Variants in STXBP4 observed in about 807,000 individuals in gnomAD.
The protein encoded by STXBP4 is syntaxin-binding protein 4.
A neutral mutation model predicts 76.1 loss-of-function variants in STXBP4; 55 were observed. The ratio of observed to expected loss-of-function variants is 0.72; its 90% CI spans 0.58 to 0.91. The LOEUF is 0.91. Among genes scored for constraint, STXBP4 ranks in the 40% least tolerant of loss-of-function variants. The pLI is 0.00. For synonymous variants in STXBP4, 201 were observed against 220.2 expected (o/e 0.91, Z 0.77); for missense variants, 618 against 636.9 (o/e 0.97, Z 0.32).
At chr17:55,037,411 G>C (rs546103397) in intron 10 of STXBP4, among the ~76,000 whole-genome samples, 2 of 152,114 alleles carry the variant, frequency 1.3e-5, no homozygotes, top group South Asian at 4.1e-4. Flanking sequence ...TCATGCTCCA[G>C]GTTAGCAATT....
chr17:55,206,442 C>CCTAATCCTAGTTT, the STXBP4 span, among the ~76,000 whole-genome samples: 1 of 152,162 alleles, frequency 6.6e-6, no homozygotes, highest in Non-Finnish European at 1.5e-5. Context: ...CCAGCACAGG[C>CCTAATCCTAGTTT]CTAATCCTAG....
chr17:55,080,412 G>A (rs2079241273), intron 15 of STXBP4, among the ~76,000 whole-genome samples: 1 of 151,948 alleles, frequency 6.6e-6, no homozygotes, highest in African/African-American at 2.4e-5. Context: ...GGAAGATGGA[G>A]TATAAATAAT....
the STXBP4 span, among the ~76,000 whole-genome samples, chr17:55,188,979 C>T: frequency 1.3e-5 from 2 of 152,084 alleles, no homozygotes; most frequent in African/African-American, 4.8e-5. Flanking sequence ...CCTGTTCATT[C>T]TCCTCATCTA....
At chr17:55,078,923 C>T (rs1033830100) in intron 15 of STXBP4, among the ~76,000 whole-genome samples, 188 bp downstream of exon 15, 1 of 152,096 alleles carries the variant, frequency 6.6e-6, no homozygotes, top group Non-Finnish European at 1.5e-5. Context: ...TAAAGAAATT[C>T]CTGGAGGTAT....
chr17:55,182,410 A>G, the STXBP4 span, among the ~76,000 whole-genome samples: 1 of 152,186 alleles, frequency 6.6e-6, no homozygotes, highest in African/African-American at 2.4e-5. Flanking sequence ...GCAAGAAGGA[A>G]CAAAAGAATA....
intron 12 of STXBP4, among the ~76,000 whole-genome samples, chr17:55,070,498 T>C (rs2048954980): frequency 1.3e-5 from 2 of 152,304 alleles, no homozygotes; most frequent in African/African-American, 4.8e-5. Context: ...CAATTACTTT[T>C]AGATACAAGG....
rs8069999 is a variant in STXBP4, at chr17:55,081,131, G to T, written c.1437G>T (p.Ala479=). ...GACGTAGCATCCCAGCAACGCTGGC[G>T]CTTGAATCTAAGGAACTTGTTAAAT... The part of the protein sequence containing the change: ...RNGRSIPATL[A]LESKELVKSV... The change falls in exon 16 of 18, where the codon GCG becomes GCT. Residue 479 remains alanine (A), a synonymous_variant. Coordinates refer to ENST00000376352, the MANE Select transcript of STXBP4 (RefSeq NM_178509.6). 3.4e-5 allele frequency: 53 copies of T among 1,550,120 alleles called. No individual in the cohort carries two copies. The highest frequency in any genetic ancestry group is 4.3e-5 in the Non-Finnish European group (50 of 1,152,704).
At chr17:55,019,924 A>G (rs1338985862) in intron 8 of STXBP4, among the ~76,000 whole-genome samples, 3 of 152,088 alleles carry the variant, frequency 2.0e-5, no homozygotes, top group Admixed American at 6.6e-5. Flanking sequence ...TCTTTTCACT[A>G]TGACTGCTTT....
the STXBP4 span, among the ~76,000 whole-genome samples, chr17:55,185,251 C>CTTCTTCTT: frequency 1.0e-3 from 51 of 49,348 alleles, 1 homozygote; most frequent in African/African-American, 3.2e-3. Flanking sequence ...TTCTTCTTCT[C>CTTCTTCTT]CTTCTCCTTC....
chr17:54,975,594 A>T (rs1301496211), intron 1 of STXBP4, among the ~76,000 whole-genome samples: 1 of 152,188 alleles, frequency 6.6e-6, no homozygotes, highest in African/African-American at 2.4e-5. Context: ...TTTACTTTTA[A>T]CCTTTAGAAG....
chr17:55,040,597 A>C (rs896798748), intron 10 of STXBP4, among the ~76,000 whole-genome samples: 6 of 152,206 alleles, frequency 3.9e-5, no homozygotes, highest in Admixed American at 6.5e-5. Flanking sequence ...TTGGAGCAGC[A>C]ACAGTGAAGG....
chr17:55,150,355 C>T (rs1436632480), intron 17 of STXBP4, among the ~76,000 whole-genome samples: 2 of 152,140 alleles, frequency 1.3e-5, no homozygotes, highest in Non-Finnish European at 2.9e-5. Flanking sequence ...TCTTTGTACA[C>T]AGAGAGAGAG....
At position 54,968,778 on chromosome 17, in the gene STXBP4, T is replaced by G; in HGVS notation, c.-194T>G. 1.8e-6 allele frequency: 2 copies of G among 1,083,534 alleles called. No individual in the cohort carries two copies. Among genetic ancestry groups the G allele is most frequent in the Non-Finnish European group, 2.6e-6 (2 of 757,116 alleles). The allele number at this position is 1,083,534 out of a possible 1,614,324, so 67.1% of individuals were successfully genotyped here. On this transcript the variant is annotated 5_prime_UTR_variant, in exon 1 of 18. Coordinates refer to ENST00000376352, the MANE Select transcript of STXBP4 (RefSeq NM_178509.6). ...ACCAGGCTCCTCAGGTGGCAGCGCT[T>G]GCAGTCGGGCTACGGAGGCCGGGTT...
chr17:54,980,914 TA>T (rs2077541567), intron 1 of STXBP4, among the ~76,000 whole-genome samples: 1 of 145,074 alleles, frequency 6.9e-6, no homozygotes, highest in Non-Finnish European at 1.5e-5. Flanking sequence ...TAAACTTTCT[TA>T]AAACATGAGA....
intron 8 of STXBP4, among the ~76,000 whole-genome samples, chr17:55,016,042 T>C (rs1264051092): frequency 1.3e-5 from 2 of 152,118 alleles, no homozygotes; most frequent in Admixed American, 1.3e-4. Context: ...GTCCCAGTTC[T>C]CCAGAATACA....
intron 12 of STXBP4, among the ~76,000 whole-genome samples, chr17:55,063,246 AATAGTTGTTTGTC>A (rs1002884160): frequency 6.6e-6 from 1 of 152,224 alleles, no homozygotes; most frequent in African/African-American, 2.4e-5. Context: ...ATCATTTCCA[AATAGTTGTTTGTC>A]TTTTTAATTG....
chr17:55,047,216 G>A (rs2078802725), intron 12 of STXBP4, 62 bp downstream of exon 12: 4 of 867,362 alleles, frequency 4.6e-6, no homozygotes, highest in Non-Finnish European at 5.3e-6. Flanking sequence ...GTGTGTGTGT[G>A]TGAACATATG....
At chr17:55,082,818 G>C (rs1167714920) in intron 16 of STXBP4, among the ~76,000 whole-genome samples, 1 of 151,790 alleles carries the variant, frequency 6.6e-6, no homozygotes, top group Non-Finnish European at 1.5e-5. Context: ...TCTGAAGAGA[G>C]AGAAAAAAAG....
chr17:55,047,184 T>TTGTGTGTGTG, intron 12 of STXBP4, 30 bp downstream of exon 12: 1 of 1,144,504 alleles, frequency 8.7e-7, no homozygotes, highest in Admixed American at 2.0e-5. Flanking sequence ...ATATATGTGC[T>TTGTGTGTGTG]CGTGTGTGTG....
Sources: gnomAD v4.1 joint callset for allele counts (sites outside exome capture counted in the v4.1 genomes callset) on GRCh38, gnomAD v4.1.1 for gene constraint, MANE v1.5 for transcripts, NCBI Gene and HGNC (gene_info 2026-07-23, HGNC 2026-07-21) for gene names.